The following KLF15 variants were observed in gnomAD, a reference collection of about 807,000 sequenced individuals.
KLF15 encodes KLF transcription factor 15, also known as Krueppel-like factor 15.
KLF15 carries 4 observed loss-of-function variants against 24.6 expected under a neutral mutation model. That is an observed-to-expected ratio of 0.16 (90% CI 0.08 to 0.37). The LOEUF is 0.37. Ranked by LOEUF, KLF15 falls within the 10% of genes least tolerant of loss-of-function variation. KLF15 has a pLI of 1.00. For missense variants in KLF15, 496 were observed against 560.6 expected (o/e 0.88, Z 1.16); for synonymous variants, 246 against 236.3 (o/e 1.04, Z -0.37).
Position 126,352,361 on chromosome 3 carries a change from C to A in KLF15, c.562G>T (p.Gly188Trp). 6.2e-7 allele frequency: 1 copy of A among 1,605,872 alleles called. No homozygotes were observed. Among genetic ancestry groups the A allele is most frequent in the South Asian group, 1.1e-5 (1 of 89,806 alleles). Residue 188 changes from glycine (G) to tryptophan (W), a missense_variant, in exon 2 of 3, where the codon GGG becomes TGG. Coordinates refer to ENST00000296233, the MANE Select transcript of KLF15 (RefSeq NM_014079.4). The part of the protein sequence containing the change: ...HKSHLHPGSS[G>W]RERCSPPPGG... ...GGTGGAGGGGAACAGCGCTCTCTCC[C>A]GCTGGACCCAGGATGGAGGTGGCTC...
chr3:126,299,307 G>T, the KLF15 span, among the ~76,000 whole-genome samples: 1 of 152,142 alleles, frequency 6.6e-6, no homozygotes, highest in South Asian at 2.1e-4. Context: ...CAGCTTGGCT[G>T]TTGTTGGCGT....
At chr3:126,319,730 TCAAA>T in the KLF15 span, among the ~76,000 whole-genome samples, 7 of 152,250 alleles carry the variant, frequency 4.6e-5, no homozygotes, top group African/African-American at 1.7e-4. Context: ...AGGCTTTTTT[TCAAA>T]CAAAGTTATT....
chr3:126,355,675 G>C (rs2082624637), intron 1 of KLF15, among the ~76,000 whole-genome samples: 1 of 152,232 alleles, frequency 6.6e-6, no homozygotes, highest in Non-Finnish European at 1.5e-5. Flanking sequence ...TTCACTCCAA[G>C]GCCATATCCC....
the KLF15 span, among the ~76,000 whole-genome samples, chr3:126,298,445 A>ATTATTATTG: frequency 3.3e-5 from 5 of 150,916 alleles, no homozygotes; most frequent in African/African-American, 9.7e-5. Flanking sequence ...TATTATTATT[A>ATTATTATTG]GCAGCTGTGC....
At chr3:126,319,510 C>T in the KLF15 span, among the ~76,000 whole-genome samples, 1 of 152,146 alleles carries the variant, frequency 6.6e-6, no homozygotes, top group African/African-American at 2.4e-5. Flanking sequence ...TGCTGTTTTC[C>T]CTGATGACAT....
chr3:126,316,349 G>A, the KLF15 span, among the ~76,000 whole-genome samples: 116 of 151,738 alleles, frequency 7.6e-4, no homozygotes, highest in East Asian at 3.1e-3. Flanking sequence ...AGTGGGGAAG[G>A]GAGTGCACAG....
chr3:126,327,119 T>G, the KLF15 span, among the ~76,000 whole-genome samples: 1,121 of 152,276 alleles, frequency 7.4e-3, 36 homozygotes, highest in East Asian at 0.093. Context: ...TCGTTCAGGA[T>G]TCTTCACTGC....
At chr3:126,290,267 A>C in the KLF15 span, among the ~76,000 whole-genome samples, 1 of 152,120 alleles carries the variant, frequency 6.6e-6, no homozygotes. Context: ...CTAGAATCTC[A>C]TAGTGGGGAC....
chr3:126,303,353 T>C, the KLF15 span, among the ~76,000 whole-genome samples: 1 of 152,076 alleles, frequency 6.6e-6, no homozygotes, highest in African/African-American at 2.4e-5. Context: ...TTCTTTCAGC[T>C]ATTGTTGAAA....
chr3:126,339,492 A>C (rs1401761452), downstream of KLF15, among the ~76,000 whole-genome samples: 1 of 152,046 alleles, frequency 6.6e-6, no homozygotes, highest in Admixed American at 6.5e-5. Context: ...GGAGTGTTTG[A>C]ATGCTGCTCT....
rs1163157939 is a variant in KLF15, at chr3:126,352,227, C to T, written c.696G>A (p.Ser232=). The T allele has an allele frequency of 2.7e-5, 41 of 1,536,332 alleles. No individual in the cohort carries two copies. Among genetic ancestry groups the T allele is most frequent in the Non-Finnish European group, 3.3e-5 (38 of 1,144,452 alleles). ...GCCCAGGGGAGGCAGGCCCTGTGCC[C>T]GATTCCTGCTTCACAGGCACGGGCT... is the stretch of plus-strand genomic sequence containing the variant. The part of the protein sequence containing the change: ...QIQPVPVKQE[S]GTGPASPGQA... Residue 232 remains serine (S), a synonymous_variant, in exon 2 of 3, where the codon TCG becomes TCA. Transcript: ENST00000296233.
the KLF15 span, among the ~76,000 whole-genome samples, chr3:126,323,423 A>ATATATATAACATATATATGT: frequency 3.4e-5 from 1 of 29,300 alleles, no homozygotes; most frequent in Non-Finnish European, 7.8e-5. Context: ...ATATATATAT[A>ATATATATAACATATATATGT]TATATATATA....
the KLF15 span, among the ~76,000 whole-genome samples, chr3:126,322,596 A>T: frequency 6.6e-6 from 1 of 152,218 alleles, no homozygotes; most frequent in Non-Finnish European, 1.5e-5. Flanking sequence ...GCTGCCTTGT[A>T]AAGTAACATC....
the KLF15 span, among the ~76,000 whole-genome samples, chr3:126,331,597 T>C: frequency 6.6e-6 from 1 of 152,236 alleles, no homozygotes; most frequent in South Asian, 2.1e-4. Flanking sequence ...TAATAAAATG[T>C]CTAGTGGGGG....
chr3:126,290,941 A>T, the KLF15 span: 1 of 152,076 alleles, frequency 6.6e-6, no homozygotes, highest in Admixed American at 6.5e-5. Flanking sequence ...ATCCACTTTC[A>T]TCTTGTTACA....
At chr3:126,322,477 T>C in the KLF15 span, among the ~76,000 whole-genome samples, 6 of 152,158 alleles carry the variant, frequency 3.9e-5, no homozygotes, top group African/African-American at 1.4e-4. Context: ...TTCCTCCTAC[T>C]GCCCCTCGCA....
the KLF15 span, among the ~76,000 whole-genome samples, chr3:126,333,445 C>A: frequency 1.3e-5 from 2 of 149,316 alleles, no homozygotes; most frequent in African/African-American, 2.5e-5. Flanking sequence ...AAGGAACAAC[C>A]AGTACCAGCC....
chr3:126,347,989 C>T (rs1217908749), intron 2 of KLF15, among the ~76,000 whole-genome samples: 1 of 152,182 alleles, frequency 6.6e-6, no homozygotes, highest in African/African-American at 2.4e-5. Context: ...AGAGACGCGG[C>T]CTGGGAGTGG....
At chr3:126,318,001 T>G in the KLF15 span, among the ~76,000 whole-genome samples, 1 of 152,180 alleles carries the variant, frequency 6.6e-6, no homozygotes, top group African/African-American at 2.4e-5. Context: ...CCTTGTTTTC[T>G]GAGCTCCTGA....
Sources: allele counts gnomAD v4.1 joint callset (sites outside exome capture counted in the v4.1 genomes callset), GRCh38; gene constraint gnomAD v4.1.1; transcripts MANE v1.5; gene names NCBI Gene and HGNC (gene_info 2026-07-23, HGNC 2026-07-21).